DGKB: variants seen among roughly 807,000 people sequenced by gnomAD.
The protein encoded by DGKB is diacylglycerol kinase beta, also known as 90 kDa diacylglycerol kinase.
A neutral mutation model predicts 114.3 loss-of-function variants in DGKB; 67 were observed. That is an observed-to-expected ratio of 0.59 (90% CI 0.48 to 0.72). The LOEUF is 0.72. Ranked by LOEUF, DGKB falls within the 30% of genes least tolerant of loss-of-function variation. DGKB has a pLI of 0.00. For missense variants in DGKB, 907 were observed against 975.2 expected (o/e 0.93, Z 0.93); for synonymous variants, 398 against 323.1 (o/e 1.23, Z -2.49).
intron 21 of DGKB, among the ~76,000 whole-genome samples, chr7:14,463,718 T>C (rs1833420559): frequency 1.3e-5 from 2 of 152,206 alleles, no homozygotes; most frequent in Non-Finnish European, 2.9e-5. Flanking sequence ...GCTACATATG[T>C]AAACTAGAGC....
chr7:14,918,442 T>C (rs777680845), intron 1 of DGKB, among the ~76,000 whole-genome samples: 7 of 152,266 alleles, frequency 4.6e-5, no homozygotes, highest in African/African-American at 1.7e-4. Flanking sequence ...TAAAATTAAA[T>C]TGCCTTTCTA....
At chr7:14,820,713 T>C (rs1285963502) in intron 2 of DGKB, among the ~76,000 whole-genome samples, 2 of 152,182 alleles carry the variant, frequency 1.3e-5, no homozygotes, top group African/African-American at 2.4e-5. Flanking sequence ...TGAAATGCTA[T>C]GGAGGATAAT....
intron 21 of DGKB, among the ~76,000 whole-genome samples, chr7:14,411,365 A>G (rs1262175217): frequency 6.6e-6 from 1 of 152,190 alleles, no homozygotes; most frequent in African/African-American, 2.4e-5. Context: ...GTCAAGGAGC[A>G]TTTGTATCTT....
intron 2 of DGKB, among the ~76,000 whole-genome samples, chr7:14,780,644 A>G (rs142899803): frequency 3.7e-4 from 56 of 151,774 alleles, no homozygotes; most frequent in African/African-American, 1.2e-3. Flanking sequence ...TTTTTTTCAC[A>G]CTGCTTATGT....
Position 14,637,306 on chromosome 7 carries a change from A to T in DGKB, c.1135-7038T>A, listed in dbSNP as rs180924949. On this transcript the variant is annotated intron_variant, in intron 13 of 25. Transcript: ENST00000402815. ...ATTCCTCAGAAAATTTTAGATACAGAAAAAGGTTTTATAAAACATAGTTCT... is the reference window on the plus strand; with the variant it reads ...ATTCCTCAGAAAATTTTAGATACAGTAAAAGGTTTTATAAAACATAGTTCT... Among the ~76,000 whole-genome samples, 7 of 152,072 alleles carry T rather than the reference A, an allele frequency of 4.6e-5. No individual in the cohort carries two copies. In the East Asian group the frequency reaches 1.4e-3, roughly 29 times the overall value.
At chr7:14,843,388 G>A (rs1848211771) in intron 1 of DGKB, among the ~76,000 whole-genome samples, 2 of 122,068 alleles carry the variant, frequency 1.6e-5, no homozygotes, top group South Asian at 5.1e-4. Context: ...ACTGCGGACT[G>A]CAGTGGCGCA....
intron 2 of DGKB, among the ~76,000 whole-genome samples, chr7:14,812,889 C>T (rs1843629263): frequency 1.3e-5 from 2 of 152,274 alleles, no homozygotes; most frequent in East Asian, 1.9e-4. Flanking sequence ...TAAGTGCTTC[C>T]TCTATCTCCA....
chr7:14,796,780 G>C (rs1418875957), intron 2 of DGKB, among the ~76,000 whole-genome samples: 2 of 151,830 alleles, frequency 1.3e-5, no homozygotes, highest in Non-Finnish European at 2.9e-5. Flanking sequence ...AGCTTAACCA[G>C]AGAGTCCTTC....
chr7:14,159,102 T>C (rs186418521), intron 25 of DGKB, among the ~76,000 whole-genome samples: 3 of 152,268 alleles, frequency 2.0e-5, no homozygotes, highest in African/African-American at 7.2e-5. Context: ...TTTACTTCCA[T>C]GTTACCCTTA....
chr7:14,288,542 T>C (rs934481575), intron 23 of DGKB, among the ~76,000 whole-genome samples: 4 of 152,138 alleles, frequency 2.6e-5, no homozygotes, highest in Non-Finnish European at 4.4e-5. Flanking sequence ...AAAGTGCTTC[T>C]TTCACTTTTA....
At chr7:14,722,827 T>TA (rs1429810903) in intron 5 of DGKB, among the ~76,000 whole-genome samples, 2 of 151,612 alleles carry the variant, frequency 1.3e-5, no homozygotes, top group African/African-American at 4.8e-5. Context: ...AATAAATAAA[T>TA]AAATAAAAAT....
intron 1 of DGKB, among the ~76,000 whole-genome samples, chr7:14,853,741 G>A (rs895454732): frequency 2.6e-5 from 4 of 151,282 alleles, no homozygotes; most frequent in Admixed American, 6.6e-5. Flanking sequence ...GGTGGTGGGC[G>A]CCTGTAGTCC....
chr7:14,602,844 C>T (rs1803802776), intron 17 of DGKB, among the ~76,000 whole-genome samples: 8 of 152,126 alleles, frequency 5.3e-5, no homozygotes, highest in Admixed American at 4.6e-4. Flanking sequence ...TTTCAAATGG[C>T]CAATTCAGAA....
intron 2 of DGKB, among the ~76,000 whole-genome samples, chr7:14,805,905 A>G (rs1194098383): frequency 6.6e-6 from 1 of 150,506 alleles, no homozygotes; most frequent in Non-Finnish European, 1.5e-5. Flanking sequence ...TATTTATAAT[A>G]ATATTTTAGA....
chr7:14,831,720 T>A (rs976302577), intron 2 of DGKB, among the ~76,000 whole-genome samples: 1 of 152,122 alleles, frequency 6.6e-6, no homozygotes, highest in Non-Finnish European at 1.5e-5. Context: ...GCAGGCTATC[T>A]TATTACACAG....
At chr7:14,466,324 C>T (rs1385272686) in intron 21 of DGKB, among the ~76,000 whole-genome samples, 1 of 152,070 alleles carries the variant, frequency 6.6e-6, no homozygotes, top group Non-Finnish European at 1.5e-5. Context: ...TTTGGGAGGC[C>T]AAGGCAGGTG....
chr7:14,201,966 A>G (rs1785962475), intron 23 of DGKB, among the ~76,000 whole-genome samples: 1 of 151,988 alleles, frequency 6.6e-6, no homozygotes. Context: ...AGAGGCTCCA[A>G]TAAAGGGTAG....
chr7:14,212,489 G>C (rs113152805), intron 23 of DGKB, among the ~76,000 whole-genome samples: 40 of 151,562 alleles, frequency 2.6e-4, no homozygotes, highest in Non-Finnish European at 4.6e-4. Flanking sequence ...AGCCTTCTTT[G>C]GCCTCCCTTT....
rs575645205 is a variant in DGKB, at chr7:14,745,834, A to G, written c.168+8094T>C. Among the ~76,000 whole-genome samples the G allele has an allele frequency of 3.3e-5, 5 of 152,310 alleles. No homozygotes were observed. In the East Asian group the frequency reaches 7.7e-4, roughly 24 times the overall value. On this transcript the variant is annotated intron_variant, in intron 4 of 25. Coordinates refer to ENST00000402815, the MANE Select transcript of DGKB (RefSeq NM_001350709.2). Reference sequence around the variant, plus strand: ...CTTAATTTTTCCTGGTCATGAGACAAGAACCTGGATTTAGCTGAACTAAGG... The same window carrying G: ...CTTAATTTTTCCTGGTCATGAGACAGGAACCTGGATTTAGCTGAACTAAGG...
Sources: allele counts gnomAD v4.1 joint callset (sites outside exome capture counted in the v4.1 genomes callset), GRCh38; gene constraint gnomAD v4.1.1; transcripts MANE v1.5; gene names NCBI Gene and HGNC (gene_info 2026-07-23, HGNC 2026-07-21).